Variants in C3orf18 observed in about 807,000 individuals in gnomAD.
C3orf18 encodes chromosome 3 open reading frame 18.
A neutral mutation model predicts 14.1 loss-of-function variants in C3orf18; 12 were observed. That is an observed-to-expected ratio of 0.85 (90% CI 0.55 to 1.38). The LOEUF (loss-of-function observed/expected upper bound fraction) is 1.38, where lower values mean the gene tolerates loss of function less well. Among genes scored for constraint, C3orf18 ranks in the 40% most tolerant of loss-of-function variants. The pLI is 0.00. For synonymous variants in C3orf18, 82 were observed against 87.9 expected, an observed-to-expected ratio of 0.93 and a Z score of 0.38; for missense variants, 196 against 213.9, an observed-to-expected ratio of 0.92 and a Z score of 0.52.
chr3:50,572,288 G>C (rs935041525), upstream of C3orf18: 1 of 1,521,976 alleles, frequency 6.6e-7, no homozygotes, highest in Non-Finnish European at 8.9e-7. Context: ...GCTTCCTCCA[G>C]GGGGCACTGG....
At chr3:50,570,207 C>G (rs895392942), upstream of C3orf18, 2 of 152,228 alleles carry the variant, frequency 1.3e-5, no homozygotes, top group African/African-American at 2.4e-5. Flanking sequence ...CTACTTGTAT[C>G]TGAAGATGTG....
chr3:50,574,090 T>C (rs2107434714), upstream of C3orf18, among the ~76,000 whole-genome samples: 1 of 152,322 alleles, frequency 6.6e-6, no homozygotes, highest in South Asian at 2.1e-4. Context: ...CTTGATGGGG[T>C]ATGGAGTCCA....
At chr3:50,563,949 A>C (rs1700139741) in intron 3 of C3orf18, among the ~76,000 whole-genome samples, 1 of 152,240 alleles carries the variant, frequency 6.6e-6, no homozygotes, top group South Asian at 2.1e-4. Flanking sequence ...TGCCAAGGGA[A>C]AACACTGGCA....
chr3:50,567,085 C>T (rs1415198874), intron 1 of C3orf18, among the ~76,000 whole-genome samples: 1 of 152,198 alleles, frequency 6.6e-6, no homozygotes, highest in Non-Finnish European at 1.5e-5. Context: ...GGTAGAAAGG[C>T]TCATCCCTCT....
rs1435312968 is a variant in C3orf18 at position 50,558,946 on chromosome 3, G to A, written c.*711C>T. 1 of 1,287,532 alleles carries A rather than the reference G, an allele frequency of 7.8e-7. No homozygotes were observed. Among genetic ancestry groups the A allele is most frequent in the Admixed American group, 2.3e-5 (1 of 43,492 alleles). The allele number at this position is 1,287,532 out of a possible 1,614,324, so 79.8% of individuals were successfully genotyped here. A position where few individuals can be genotyped will look rare whatever the true frequency, so the allele number is the denominator to read the frequency against. ...GCACATGCATGAGGCCTCTCGGCAGGTCTGGGGGGGCTGCATCCTTCCACT... is the reference window on the plus strand; with the variant it reads ...GCACATGCATGAGGCCTCTCGGCAGATCTGGGGGGGCTGCATCCTTCCACT... On this transcript the variant is annotated 3_prime_UTR_variant, in exon 6 of 6. Coordinates refer to ENST00000357203, the MANE Select transcript of C3orf18 (RefSeq NM_016210.5).
intron 3 of C3orf18, among the ~76,000 whole-genome samples, chr3:50,562,819 CCCCCA>C (rs1046618370): frequency 6.6e-6 from 1 of 152,156 alleles, no homozygotes; most frequent in Non-Finnish European, 1.5e-5. Flanking sequence ...TAGGTCCGGT[CCCCCA>C]TTGTACAACC....
chr3:50,561,584 T>C, intron 4 of C3orf18, 138 bp downstream of exon 4: 4 of 777,210 alleles, frequency 5.1e-6, no homozygotes, highest in Non-Finnish European at 8.6e-6. Flanking sequence ...CAAAGGAAAG[T>C]GGTCACCCCC....
chr3:50,572,226 G>C, upstream of C3orf18: 1 of 1,560,528 alleles, frequency 6.4e-7, no homozygotes, highest in Non-Finnish European at 8.8e-7. Flanking sequence ...TGCCACCAGG[G>C]CAAGGCAGGA....
upstream of C3orf18, among the ~76,000 whole-genome samples, chr3:50,573,675 A>G (rs142465701): frequency 1.1e-3 from 168 of 152,346 alleles, no homozygotes; most frequent in African/African-American, 3.7e-3. Context: ...GTTCACCCCA[A>G]TGTAAAGCCA....
At chr3:50,566,653 A>C (rs976780477) in intron 1 of C3orf18, among the ~76,000 whole-genome samples, 1 of 151,954 alleles carries the variant, frequency 6.6e-6, no homozygotes, top group Non-Finnish European at 1.5e-5. Flanking sequence ...CAAGAAGGAG[A>C]GAGAGGCTCT....
upstream of C3orf18, chr3:50,569,145 A>T (rs1003757744): frequency 1.4e-4 from 21 of 152,422 alleles, no homozygotes; most frequent in South Asian, 4.1e-4. Context: ...CTCTGGTGAC[A>T]CGCCCCCTTT....
chr3:50,563,976 C>T (rs1305578894), intron 3 of C3orf18, among the ~76,000 whole-genome samples: 1 of 152,288 alleles, frequency 6.6e-6, no homozygotes, highest in African/African-American at 2.4e-5. Flanking sequence ...CTTACCTCCA[C>T]CCAGGAGACC....
chr3:50,558,701 T>C lies in C3orf18; in HGVS notation c.*956A>G. 7.8e-7 allele frequency: 1 copy of C among 1,288,134 alleles called. No homozygotes were observed. Among genetic ancestry groups the C allele is most frequent in the Non-Finnish European group, 1.0e-6 (1 of 987,682 alleles). 79.8% of individuals were successfully genotyped at this position (1,288,134 alleles called of 1,614,324 possible). ...ACAGGGAGCCGTTTTCAGAAGCAGG[T>C]GAGCCCAGTGAAACAATGCAGTGGA... On this transcript the variant is annotated 3_prime_UTR_variant, in exon 6 of 6. Transcript: ENST00000357203.
upstream of C3orf18, chr3:50,571,063 C>A: frequency 6.8e-7 from 1 of 1,474,740 alleles, no homozygotes; most frequent in South Asian, 1.3e-5. Flanking sequence ...ATAAAGCAGA[C>A]TTGGGAACCT....
chr3:50,568,455 T>C (rs1042292011), upstream of C3orf18, among the ~76,000 whole-genome samples: 7 of 152,020 alleles, frequency 4.6e-5, no homozygotes, highest in East Asian at 1.3e-3. Flanking sequence ...AGGCCGGGCG[T>C]GGTGGCTCAC....
At chr3:50,570,284 T>G (rs983857494), upstream of C3orf18, 1 of 152,274 alleles carries the variant, frequency 6.6e-6, no homozygotes. Flanking sequence ...GACCGCTGAT[T>G]TTAAACCTTC....
chr3:50,558,523 C>T lies in C3orf18; in HGVS notation c.*1134G>A. On this transcript the variant is annotated 3_prime_UTR_variant, in exon 6 of 6. Coordinates refer to ENST00000357203, the MANE Select transcript of C3orf18 (RefSeq NM_016210.5). ...ATAGATGGGATGGAGGTGGGGAATT[C>T]AAACATAGACTAAGTTTTTTAGATG... is the stretch of plus-strand genomic sequence containing the variant. 2.4e-6 allele frequency: 1 copy of T among 410,590 alleles called. No homozygotes were observed. The highest frequency in any genetic ancestry group is 2.1e-5 in the African/African-American group (1 of 47,750). 25.4% of individuals were successfully genotyped at this position (410,590 alleles called of 1,614,324 possible). A position where few individuals can be genotyped will look rare whatever the true frequency, so the allele number is the denominator to read the frequency against.
chr3:50,568,921 G>C (rs894392133), upstream of C3orf18, among the ~76,000 whole-genome samples: 1 of 152,134 alleles, frequency 6.6e-6, no homozygotes, highest in Non-Finnish European at 1.5e-5. Context: ...GATTCGAATC[G>C]GTAAAAGAGC....
At chr3:50,572,103 C>T (rs373817870), upstream of C3orf18, 28 of 1,613,658 alleles carry the variant, frequency 1.7e-5, 1 homozygote, top group Middle Eastern at 6.6e-4. Flanking sequence ...CACCCAGCTG[C>T]CCCCTCTGCA....
Sources: allele counts gnomAD v4.1 joint callset (sites outside exome capture counted in the v4.1 genomes callset), GRCh38; gene constraint gnomAD v4.1.1; transcripts MANE v1.5; gene names NCBI Gene and HGNC (gene_info 2026-07-23, HGNC 2026-07-21).